Variants in NDST1 observed in about 807,000 individuals in gnomAD.
NDST1 encodes N-deacetylase and N-sulfotransferase 1, also known as bifunctional heparan sulfate N-deacetylase/N-sulfotransferase 1.
A neutral mutation model predicts 92.8 loss-of-function variants in NDST1; 35 were observed. That is an observed-to-expected ratio of 0.38 (90% CI 0.29 to 0.50). NDST1 has a LOEUF of 0.50. Ranked by LOEUF, NDST1 falls within the 20% of genes least tolerant of loss-of-function variation. The pLI, the probability that NDST1 is intolerant of heterozygous loss-of-function variation, is 0.94. For missense variants in NDST1, 822 were observed against 1,182.7 expected (o/e 0.69, Z 4.47); for synonymous variants, 493 against 500.3 (o/e 0.99, Z 0.19).
rs1011218498 is a variant in NDST1 at position 150,545,352 on chromosome 5, G to A, written c.2011G>A (p.Asp671Asn). ...FFPIPSNTTSDFYFEKSANYF... is the reference protein window; with the variant it reads ...FFPIPSNTTSNFYFEKSANYF... Reference sequence around the variant, plus strand: ...CCCCATCCCTTCCAACACCACCTCCGACTTCTACTTTGAGAAAAGCGCCAA... The same window carrying A: ...CCCCATCCCTTCCAACACCACCTCCAACTTCTACTTTGAGAAAAGCGCCAA... The change falls in exon 11 of 15, where the codon GAC (aspartate) becomes AAC (asparagine). Residue 671 changes from aspartate to asparagine, a missense_variant. Asp to Asn is a conservative substitution (Grantham distance 23). Coordinates refer to ENST00000261797, the MANE Select transcript of NDST1 (RefSeq NM_001543.5). 5 of 1,614,062 alleles carry A rather than the reference G, an allele frequency of 3.1e-6. No homozygotes were observed. Among genetic ancestry groups the A allele is most frequent in the Admixed American group, 1.7e-5 (1 of 59,996 alleles).
chr5:150,549,351 G>A (rs1755625082), intron 12 of NDST1, among the ~76,000 whole-genome samples: 1 of 152,216 alleles, frequency 6.6e-6, no homozygotes, highest in Admixed American at 6.5e-5. Flanking sequence ...AACTTGCGGA[G>A]TGTTTGAGCA....
At chr5:150,532,620 G>A (rs548946139) in intron 3 of NDST1, among the ~76,000 whole-genome samples, 65 of 152,138 alleles carry the variant, frequency 4.3e-4, no homozygotes, top group African/African-American at 1.2e-3. Flanking sequence ...TCCGCCTCCC[G>A]GGTTCAAGCG....
intron 1 of NDST1, among the ~76,000 whole-genome samples, chr5:150,512,448 C>A (rs992267610): frequency 1.3e-5 from 2 of 152,242 alleles, no homozygotes; most frequent in African/African-American, 4.8e-5. Context: ...ATGGTCGCCA[C>A]TGCATTTTCA....
intron 2 of NDST1, among the ~76,000 whole-genome samples, chr5:150,525,167 C>T (rs892525073): frequency 2.0e-5 from 3 of 152,174 alleles, no homozygotes; most frequent in Non-Finnish European, 2.9e-5. Flanking sequence ...GAGGGATTTC[C>T]ACTGCTGTGG....
In NDST1 at chr5:150,548,345, C is replaced by A. The variant is rs1755580376; in HGVS notation, c.2273C>A (p.Ala758Asp). Residue 758 changes from alanine (A) to aspartate (D), a missense_variant, in exon 12 of 15, where the codon GCC (alanine) becomes GAC (aspartate). Ala to Asp is a moderately radical substitution (Grantham distance 126, BLOSUM62 -2). Coordinates refer to ENST00000261797, the MANE Select transcript of NDST1 (RefSeq NM_001543.5). Reference sequence around the variant, plus strand: ...CGCTGCCTGGTCCCTGGCTGGTACGCCACCCACATCGAGCGCTGGCTCAGT... The same window carrying A: ...CGCTGCCTGGTCCCTGGCTGGTACGACACCCACATCGAGCGCTGGCTCAGT... Reference protein sequence around the residue: ...QNRCLVPGWYATHIERWLSAY... With the variant: ...QNRCLVPGWYDTHIERWLSAY... 1 of 1,613,704 alleles carries A rather than the reference C, an allele frequency of 6.2e-7. No individual in the cohort carries two copies. Among genetic ancestry groups the A allele is most frequent in the Non-Finnish European group, 8.5e-7 (1 of 1,180,046 alleles).
chr5:150,501,042 C>A (rs1250460906), intron 1 of NDST1, among the ~76,000 whole-genome samples: 1 of 152,190 alleles, frequency 6.6e-6, no homozygotes. Flanking sequence ...GGCATGAAAC[C>A]GGTTGGGTGT....
intron 3 of NDST1, among the ~76,000 whole-genome samples, chr5:150,530,962 A>G (rs969245366): frequency 6.6e-6 from 1 of 152,200 alleles, no homozygotes; most frequent in African/African-American, 2.4e-5. Flanking sequence ...AAATACAAAT[A>G]GAGGCACCCT....
chr5:150,516,205 C>G (rs988646609), intron 1 of NDST1, among the ~76,000 whole-genome samples: 1 of 152,160 alleles, frequency 6.6e-6, no homozygotes, highest in African/African-American at 2.4e-5. Flanking sequence ...TGGTGCCTGC[C>G]TGCCTCAGCC....
chr5:150,513,757 C>G (rs1345563176), intron 1 of NDST1, among the ~76,000 whole-genome samples: 2 of 152,248 alleles, frequency 1.3e-5, no homozygotes, highest in East Asian at 3.9e-4. Context: ...GCCGGACCCC[C>G]TTCCCTGGTC....
intron 1 of NDST1, among the ~76,000 whole-genome samples, chr5:150,511,372 C>T (rs1052589555): frequency 1.3e-5 from 2 of 152,084 alleles, no homozygotes; most frequent in African/African-American, 2.4e-5. Context: ...ACAACTGATA[C>T]CTGGTGTTGC....
intron 10 of NDST1, among the ~76,000 whole-genome samples, chr5:150,544,066 T>C (rs1413520775): frequency 1.3e-5 from 2 of 152,230 alleles, no homozygotes; most frequent in East Asian, 3.9e-4. Flanking sequence ...CGTGCGCCAC[T>C]GCGCCCGGCC....
chr5:150,552,590 C>T (rs1561611119), intron 14 of NDST1: 1 of 178,798 alleles, frequency 5.6e-6, no homozygotes, highest in South Asian at 1.2e-4. Flanking sequence ...TGGGCTCAAT[C>T]GATCTTCCCG....
At chr5:150,511,342 C>T (rs1197650112) in intron 1 of NDST1, among the ~76,000 whole-genome samples, 1 of 152,052 alleles carries the variant, frequency 6.6e-6, no homozygotes, top group Non-Finnish European at 1.5e-5. Context: ...AGTTGGGAGC[C>T]CCATGTTCTA....
intron 5 of NDST1, 182 bp downstream of exon 5, chr5:150,535,203 C>A: frequency 2.5e-6 from 2 of 811,302 alleles, no homozygotes; most frequent in Non-Finnish European, 3.0e-6. Flanking sequence ...AAGAGAATAA[C>A]CCCTTTACAG....
intron 4 of NDST1, among the ~76,000 whole-genome samples, 153 bp downstream of exon 4, chr5:150,533,185 A>G (rs891121765): frequency 4.6e-5 from 7 of 152,188 alleles, no homozygotes; most frequent in Non-Finnish European, 1.0e-4. Flanking sequence ...CCAACAGCCT[A>G]CAAGAGCAGT....
intron 13 of NDST1, 38 bp downstream of exon 13, chr5:150,549,825 T>C (rs1755642739): frequency 1.5e-6 from 2 of 1,329,146 alleles, no homozygotes; most frequent in East Asian, 4.6e-5. Flanking sequence ...GTTATTTCCC[T>C]GATAAGGCAC....
intron 2 of NDST1, among the ~76,000 whole-genome samples, chr5:150,524,517 C>T (rs917750995): frequency 6.6e-6 from 1 of 152,230 alleles, no homozygotes; most frequent in African/African-American, 2.4e-5. Context: ...GAGTACCTGA[C>T]CTCTTTCATT....
chr5:150,515,554 C>G (rs1753919520), intron 1 of NDST1, among the ~76,000 whole-genome samples: 1 of 152,126 alleles, frequency 6.6e-6, no homozygotes, highest in Admixed American at 6.5e-5. Flanking sequence ...GAACCTGGAT[C>G]TTGAAAGATG....
intron 1 of NDST1, among the ~76,000 whole-genome samples, chr5:150,500,732 C>T (rs1405487005): frequency 6.6e-6 from 1 of 152,266 alleles, no homozygotes; most frequent in Non-Finnish European, 1.5e-5. Context: ...CTGAGGGGCT[C>T]TCCTGCTGTG....
Sources: gnomAD v4.1 joint callset for allele counts (sites outside exome capture counted in the v4.1 genomes callset) on GRCh38, gnomAD v4.1.1 for gene constraint, MANE v1.5 for transcripts, NCBI Gene and HGNC (gene_info 2026-07-23, HGNC 2026-07-21) for gene names.